The following PLA2G4E variants were observed in gnomAD, a reference collection of about 807,000 sequenced individuals.
PLA2G4E encodes cytosolic phospholipase A2 epsilon.
PLA2G4E carries 84 observed loss-of-function variants against 109.1 expected under a neutral mutation model. That is an observed-to-expected ratio of 0.77 (90% CI 0.65 to 0.92). The LOEUF (loss-of-function observed/expected upper bound fraction) is 0.92. Among genes scored for constraint, PLA2G4E ranks in the 40% least tolerant of loss-of-function variants. The pLI, the probability that PLA2G4E is intolerant of heterozygous loss-of-function variation, is 0.00. For synonymous variants in PLA2G4E, 469 were observed against 436.1 expected (o/e 1.08, Z -0.94); for missense variants, 1,057 against 1,076.6 (o/e 0.98, Z 0.25).
intron 5 of PLA2G4E, 128 bp from the exon 6 acceptor site, chr15:42,002,824 C>G: frequency 1.1e-6 from 1 of 926,170 alleles, no homozygotes; most frequent in South Asian, 1.5e-5. Flanking sequence ...ATAAAAAATA[C>G]TAGCTTCGGA....
intron 1 of PLA2G4E, among the ~76,000 whole-genome samples, chr15:42,044,005 G>A (rs879586564): frequency 6.6e-6 from 1 of 152,160 alleles, no homozygotes; most frequent in African/African-American, 2.4e-5. Flanking sequence ...GAACCTCAAG[G>A]TTGGCATGGG....
At chr15:42,026,539 A>G (rs2068694340) in intron 1 of PLA2G4E, among the ~76,000 whole-genome samples, 1 of 152,230 alleles carries the variant, frequency 6.6e-6, no homozygotes, top group African/African-American at 2.4e-5. Context: ...GGATAATGGC[A>G]AGTGTTGGTG....
intron 6 of PLA2G4E, among the ~76,000 whole-genome samples, chr15:42,002,028 G>A (rs2068425301): frequency 6.6e-6 from 1 of 152,110 alleles, no homozygotes; most frequent in Non-Finnish European, 1.5e-5. Context: ...TGTGCTTGTA[G>A]GCCAGGCACA....
At chr15:42,010,954 A>G (rs996620115) in intron 2 of PLA2G4E, among the ~76,000 whole-genome samples, 1 of 152,214 alleles carries the variant, frequency 6.6e-6, no homozygotes, top group Admixed American at 6.5e-5. Context: ...TTCAAACTAG[A>G]AGGAAAAAAT....
intron 13 of PLA2G4E, among the ~76,000 whole-genome samples, chr15:41,991,867 C>T (rs921058218): frequency 3.3e-5 from 5 of 152,188 alleles, no homozygotes; most frequent in African/African-American, 1.2e-4. Context: ...CAGGCAACAA[C>T]AAAAGTTGTT....
At chr15:42,004,427 A>AGGCG (rs71431841) in intron 5 of PLA2G4E, among the ~76,000 whole-genome samples, 93 of 151,944 alleles carry the variant, frequency 6.1e-4, no homozygotes, top group African/African-American at 2.1e-3. Flanking sequence ...GAAGGCAGGC[A>AGGCG]GGCAAGAAAG....
intron 1 of PLA2G4E, among the ~76,000 whole-genome samples, chr15:42,046,472 G>T (rs904134313): frequency 6.6e-6 from 1 of 152,180 alleles, no homozygotes; most frequent in Admixed American, 6.5e-5. Context: ...CTTAGAATGT[G>T]CTCTTTCTGG....
At chr15:42,006,015 T>C (rs1214217315) in exon 4 of PLA2G4E, 1 of 1,613,806 alleles carries the variant, frequency 6.2e-7, no homozygotes, top group East Asian at 2.2e-5. Flanking sequence ...AAACTTCACG[T>C]GGGTTTTCTT....
chr15:41,993,430 G>T (rs893913615), intron 12 of PLA2G4E, among the ~76,000 whole-genome samples: 1 of 152,218 alleles, frequency 6.6e-6, no homozygotes, highest in African/African-American at 2.4e-5. Flanking sequence ...CAGAACAAAT[G>T]CTGGAGCCCA....
At chr15:41,996,378 AAG>A (rs1566838592) in intron 11 of PLA2G4E, among the ~76,000 whole-genome samples, 1 of 124,110 alleles carries the variant, frequency 8.1e-6, no homozygotes, top group Admixed American at 8.4e-5. Flanking sequence ...AAAAAAAAAA[AAG>A]GAGGGAGGAA....
At chr15:41,989,123 G>A (rs925079115) in intron 15 of PLA2G4E, among the ~76,000 whole-genome samples, 4 of 152,176 alleles carry the variant, frequency 2.6e-5, no homozygotes, top group African/African-American at 7.2e-5. Context: ...TTGGCCCCTG[G>A]AAGCAGGCAC....
chr15:42,008,881 G>A, intron 2 of PLA2G4E: 1 of 152,336 alleles, frequency 6.6e-6, no homozygotes, highest in East Asian at 1.9e-4. Context: ...GTTCTACACT[G>A]GTAGGACTGA....
At chr15:41,992,478 C>T (rs1394619276) in intron 13 of PLA2G4E, among the ~76,000 whole-genome samples, 2 of 152,220 alleles carry the variant, frequency 1.3e-5, no homozygotes, top group Non-Finnish European at 2.9e-5. Context: ...TGGCGTGGCT[C>T]TCAGAGGACG....
At chr15:42,041,361 A>T (rs1889313840) in intron 1 of PLA2G4E, among the ~76,000 whole-genome samples, 2 of 152,146 alleles carry the variant, frequency 1.3e-5, no homozygotes, top group African/African-American at 4.8e-5. Context: ...CAGTGCCCCC[A>T]TTCCACTCGC....
Position 42,047,637 on chromosome 15 carries a change from C to T in PLA2G4E, c.183+2884G>A, listed in dbSNP as rs529945729. On this transcript the variant is annotated intron_variant, in intron 1 of 19. Coordinates refer to ENST00000399518, the Ensembl canonical transcript of PLA2G4E. Reference sequence around the variant, plus strand: ...CCCCCAAATCTGCCACGTAAGTAATCGAAGATTCCACTGTTACCCAGTGTG... The same window carrying T: ...CCCCCAAATCTGCCACGTAAGTAATTGAAGATTCCACTGTTACCCAGTGTG... Among the ~76,000 whole-genome samples, 18 of 152,268 alleles carry T rather than the reference C, an allele frequency of 1.2e-4. No homozygotes were observed. The South Asian group carries it at 3.3e-3, about 28-fold the overall frequency.
chr15:41,999,944 G>T, exon 9 of PLA2G4E: 1 of 1,611,268 alleles, frequency 6.2e-7, no homozygotes, highest in South Asian at 1.1e-5. Flanking sequence ...CCTGACCATC[G>T]GAAAGGCAGT....
intron 3 of PLA2G4E, 126 bp from the exon 4 acceptor site, chr15:42,006,247 C>T (rs1447563279): frequency 9.0e-6 from 11 of 1,225,434 alleles, no homozygotes; most frequent in Admixed American, 2.2e-5. Context: ...CCCAGAAGTC[C>T]CTGCTCAGAT....
intron 16 of PLA2G4E, among the ~76,000 whole-genome samples, chr15:41,987,805 G>A (rs1595556382): frequency 2.6e-5 from 4 of 152,246 alleles, no homozygotes; most frequent in Admixed American, 6.5e-5. Flanking sequence ...CATAGGTGAC[G>A]ATGCGGAAAC....
At chr15:41,998,451 T>A (rs2068375743) in intron 10 of PLA2G4E, 1 of 152,196 alleles carries the variant, frequency 6.6e-6, no homozygotes, top group African/African-American at 2.4e-5. Flanking sequence ...ATGCACAGGA[T>A]CCTTGTTATT....
Sources: gnomAD v4.1 joint callset for allele counts (sites outside exome capture counted in the v4.1 genomes callset) on GRCh38, gnomAD v4.1.1 for gene constraint, MANE v1.5 for transcripts, NCBI Gene and HGNC (gene_info 2026-07-23, HGNC 2026-07-21) for gene names.